Variants in NEGR1 observed in about 807,000 individuals in gnomAD.
NEGR1 encodes the protein neuronal growth regulator 1, also known as IgLON family member 4.
NEGR1 carries 10 observed loss-of-function variants against 40.9 expected under a neutral mutation model. That is an observed-to-expected ratio of 0.24 (90% CI 0.15 to 0.42). The LOEUF is 0.42. Among genes scored for constraint, NEGR1 ranks in the 10% least tolerant of loss-of-function variants. NEGR1 has a pLI of 1.00. For missense variants in NEGR1, 352 were observed against 438.9 expected (o/e 0.80, Z 1.77); for synonymous variants, 185 against 166.8 (o/e 1.11, Z -0.84).
At chr1:71,860,625 CA>C (rs764645946) in intron 2 of NEGR1, among the ~76,000 whole-genome samples, 11 of 149,542 alleles carry the variant, frequency 7.4e-5, no homozygotes, top group Non-Finnish European at 1.2e-4. Context: ...ATTTACTGTG[CA>C]AAAAAAAAGT....
chr1:71,871,708 C>A (rs1439059484), intron 2 of NEGR1, among the ~76,000 whole-genome samples: 1 of 152,118 alleles, frequency 6.6e-6, no homozygotes, highest in Non-Finnish European at 1.5e-5. Context: ...TTGTTTTCAC[C>A]TTCTTTACTG....
At chr1:71,609,108 A>T (rs2101540008) in intron 5 of NEGR1, among the ~76,000 whole-genome samples, 1 of 152,268 alleles carries the variant, frequency 6.6e-6, no homozygotes, top group East Asian at 1.9e-4. Flanking sequence ...GCAAATTCAG[A>T]ATTAGTAAAA....
chr1:72,253,319 A>T (rs1353286119), intron 1 of NEGR1, among the ~76,000 whole-genome samples: 2 of 152,186 alleles, frequency 1.3e-5, no homozygotes, highest in African/African-American at 4.8e-5. Flanking sequence ...CTCTCTAGGA[A>T]ATCTTTCCAT....
Position 72,093,008 on chromosome 1 carries a change from C to A in NEGR1, c.177-157697G>T, listed in dbSNP as rs575276248. On this transcript the variant is annotated intron_variant, in intron 1 of 6. Transcript: ENST00000357731. Reference sequence around the variant, plus strand: ...AATTTTACTTTGAATATTTTACAAGCCTTGTACCTACTACAAAAGTTCCTT... The same window carrying A: ...AATTTTACTTTGAATATTTTACAAGACTTGTACCTACTACAAAAGTTCCTT... 1.3e-4 allele frequency among the ~76,000 whole-genome samples: 20 copies of A among 152,084 alleles called. No homozygotes were observed. In the East Asian group the frequency reaches 3.3e-3, roughly 25 times the overall value.
intron 6 of NEGR1, among the ~76,000 whole-genome samples, chr1:71,590,414 C>T (rs1191247519): frequency 2.6e-5 from 4 of 151,996 alleles, no homozygotes; most frequent in Non-Finnish European, 2.9e-5. Context: ...ATTGCATTAT[C>T]GTTGCTTGCT....
At chr1:71,848,873 G>T (rs1367061617) in intron 2 of NEGR1, among the ~76,000 whole-genome samples, 2 of 152,044 alleles carry the variant, frequency 1.3e-5, no homozygotes, top group African/African-American at 4.8e-5. Context: ...GGATCACGTG[G>T]TTAGTTAGGA....
At chr1:71,993,158 T>C (rs1646470264) in intron 1 of NEGR1, among the ~76,000 whole-genome samples, 1 of 152,220 alleles carries the variant, frequency 6.6e-6, no homozygotes, top group Admixed American at 6.5e-5. Context: ...CAATTCATAT[T>C]CTTCTCAATT....
At chr1:71,945,395 A>G (rs1646008890) in intron 1 of NEGR1, among the ~76,000 whole-genome samples, 1 of 152,174 alleles carries the variant, frequency 6.6e-6, no homozygotes, top group African/African-American at 2.4e-5. Context: ...TACTGCCAGT[A>G]ATAACAATAA....
At chr1:71,866,109 C>A (rs189705044) in intron 2 of NEGR1, among the ~76,000 whole-genome samples, 131 of 152,064 alleles carry the variant, frequency 8.6e-4, no homozygotes, top group African/African-American at 3.0e-3. Flanking sequence ...ACAAAAGACA[C>A]CTTTCCCTTT....
chr1:71,757,106 T>G (rs545225877), intron 3 of NEGR1, among the ~76,000 whole-genome samples: 1 of 152,126 alleles, frequency 6.6e-6, no homozygotes. Flanking sequence ...AGCATTTATG[T>G]GCAATAAATG....
chr1:72,032,465 C>T (rs933403445), intron 1 of NEGR1, among the ~76,000 whole-genome samples: 6 of 152,210 alleles, frequency 3.9e-5, no homozygotes, highest in South Asian at 2.1e-4. Flanking sequence ...AAGGACTTCA[C>T]GCAAATTCTT....
chr1:72,016,213 T>C (rs12042679), intron 1 of NEGR1, among the ~76,000 whole-genome samples: 26,443 of 152,074 alleles, frequency 0.17, 2,937 homozygotes, highest in East Asian at 0.44. Flanking sequence ...TGATGAAATG[T>C]GTTAAAAAAA....
At chr1:71,458,307 C>G (rs1646689470) in intron 6 of NEGR1, among the ~76,000 whole-genome samples, 3 of 152,150 alleles carry the variant, frequency 2.0e-5, no homozygotes, top group Admixed American at 1.3e-4. Context: ...TCTTATTATA[C>G]ATACCATTCC....
At chr1:71,637,931 G>A (rs945431964) in intron 4 of NEGR1, among the ~76,000 whole-genome samples, 2 of 151,928 alleles carry the variant, frequency 1.3e-5, no homozygotes, top group Non-Finnish European at 2.9e-5. Flanking sequence ...TGCCAAAACA[G>A]CACTAAATTC....
chr1:71,831,454 T>C (rs1570406553), intron 2 of NEGR1, among the ~76,000 whole-genome samples: 1 of 151,984 alleles, frequency 6.6e-6, no homozygotes, highest in African/African-American at 2.4e-5. Context: ...TATTCTGGTT[T>C]AGAGTTAAGC....
rs113603617 is a variant in NEGR1 at position 72,178,725 on chromosome 1, T to A, written c.176+103594A>T. 6.6e-3 allele frequency among the ~76,000 whole-genome samples: 1,002 copies of A among 151,830 alleles called. 15 individuals are homozygous for A. The highest frequency in any genetic ancestry group is 0.023 in the African/African-American group (954 of 41,474). On this transcript the variant is annotated intron_variant, in intron 1 of 6. Coordinates refer to ENST00000357731, the MANE Select transcript of NEGR1 (RefSeq NM_173808.3). ...TTTGTTTGTTTTGTTTTGTTTTTTT[T>A]AATTTAATAGTAGCCTTTCTGACTG...
chr1:72,168,251 G>A (rs940353321), intron 1 of NEGR1, among the ~76,000 whole-genome samples: 15 of 152,008 alleles, frequency 9.9e-5, no homozygotes, highest in Admixed American at 6.6e-5. Flanking sequence ...TGATCCACCA[G>A]CCTCAGCCTC....
At chr1:71,445,152 A>C (rs1286643472) in intron 6 of NEGR1, among the ~76,000 whole-genome samples, 1 of 152,160 alleles carries the variant, frequency 6.6e-6, no homozygotes, top group African/African-American at 2.4e-5. Flanking sequence ...TTTTAGGGTT[A>C]CCCAACAAGG....
At chr1:71,965,641 G>T (rs1646204078) in intron 1 of NEGR1, among the ~76,000 whole-genome samples, 1 of 152,064 alleles carries the variant, frequency 6.6e-6, no homozygotes, top group South Asian at 2.1e-4. Flanking sequence ...TTGTAATTTA[G>T]AATATTAAAT....
Sources: gnomAD v4.1 joint callset for allele counts (sites outside exome capture counted in the v4.1 genomes callset) on GRCh38, gnomAD v4.1.1 for gene constraint, MANE v1.5 for transcripts, NCBI Gene and HGNC (gene_info 2026-07-23, HGNC 2026-07-21) for gene names.